The following BBS9 variants were observed in gnomAD, a reference collection of about 807,000 sequenced individuals.
The protein encoded by BBS9 is protein PTHB1.
BBS9 carries 89 observed loss-of-function variants against 117.7 expected under a neutral mutation model. The observed-to-expected ratio is 0.76, with a 90% confidence interval of 0.64 to 0.90. BBS9 has a LOEUF of 0.90. Among genes scored for constraint, BBS9 ranks in the 40% least tolerant of loss-of-function variants. The pLI, the probability that BBS9 is intolerant of heterozygous loss-of-function variation, is 0.00. For missense variants in BBS9, 982 were observed against 1,042.2 expected, an observed-to-expected ratio of 0.94 and a Z score of 0.80; for synonymous variants, 379 against 370.9, an observed-to-expected ratio of 1.02 and a Z score of -0.25.
At chr7:33,509,345 C>T (rs1296200611) in intron 20 of BBS9, among the ~76,000 whole-genome samples, 4 of 152,122 alleles carry the variant, frequency 2.6e-5, no homozygotes, top group Non-Finnish European at 5.9e-5. Context: ...CTTTAGACCT[C>T]ACAAATAAAT....
intron 9 of BBS9, among the ~76,000 whole-genome samples, chr7:33,303,804 C>CA (rs1226231290): frequency 5.3e-5 from 8 of 151,152 alleles, no homozygotes; most frequent in Admixed American, 5.2e-4. Context: ...CTCGCTCACT[C>CA]AGTGCTCAAT....
intron 8 of BBS9, among the ~76,000 whole-genome samples, chr7:33,273,552 A>T (rs1310404745): frequency 6.6e-6 from 1 of 152,214 alleles, no homozygotes; most frequent in African/African-American, 2.4e-5. Context: ...GTAGTAAATC[A>T]TTAGCTTAAA....
intron 19 of BBS9, among the ~76,000 whole-genome samples, chr7:33,496,393 T>G (rs559037505): frequency 6.6e-5 from 10 of 151,976 alleles, no homozygotes; most frequent in Non-Finnish European, 1.3e-4. Context: ...TAATCCCAGC[T>G]CCTCAGGAGG....
intron 21 of BBS9, among the ~76,000 whole-genome samples, chr7:33,543,492 AT>A (rs1437615072): frequency 3.3e-5 from 5 of 151,958 alleles, no homozygotes; most frequent in African/African-American, 1.2e-4. Context: ...ATTTGTTTTT[AT>A]TGCATTTGCT....
chr7:33,633,369 T>C (rs1585514501), intron 21 of BBS9, among the ~76,000 whole-genome samples: 1 of 151,954 alleles, frequency 6.6e-6, no homozygotes, highest in East Asian at 1.9e-4. Flanking sequence ...CTGCCAGATA[T>C]GTTTGGAAAG....
At chr7:33,443,029 C>T (rs1275075542) in intron 19 of BBS9, among the ~76,000 whole-genome samples, 2 of 152,140 alleles carry the variant, frequency 1.3e-5, no homozygotes, top group East Asian at 1.9e-4. Context: ...GAATCGGTCT[C>T]ATTATTGTAC....
chr7:33,198,735 A>G (rs573255364), intron 5 of BBS9, among the ~76,000 whole-genome samples: 49 of 152,118 alleles, frequency 3.2e-4, no homozygotes, highest in African/African-American at 1.1e-3. Flanking sequence ...TTGTAACAGG[A>G]AACTTTATAA....
intron 5 of BBS9, among the ~76,000 whole-genome samples, chr7:33,230,159 C>T (rs1463309013): frequency 6.6e-6 from 1 of 152,084 alleles, no homozygotes; most frequent in African/African-American, 2.4e-5. Flanking sequence ...ATATTCACTC[C>T]TTGTGAGATA....
chr7:33,487,255 T>C (rs938866672), intron 19 of BBS9, among the ~76,000 whole-genome samples: 2 of 152,206 alleles, frequency 1.3e-5, no homozygotes, highest in Non-Finnish European at 2.9e-5. Flanking sequence ...TTCCAAATGC[T>C]ATGGGGTTTT....
At chr7:33,577,538 G>T (rs762284213) in intron 21 of BBS9, among the ~76,000 whole-genome samples, 6 of 152,044 alleles carry the variant, frequency 3.9e-5, no homozygotes, top group African/African-American at 1.4e-4. Flanking sequence ...TTGACCCAGC[G>T]ATCCCATTAC....
chr7:33,241,975 AACTTTG>A (rs1251095128), intron 5 of BBS9, among the ~76,000 whole-genome samples: 1 of 152,004 alleles, frequency 6.6e-6, no homozygotes, highest in Non-Finnish European at 1.5e-5. Context: ...TGTGTATTGT[AACTTTG>A]ACTTTGAGGT....
chr7:33,149,526 A>G lies in BBS9; in HGVS notation c.112+3162A>G, dbSNP rs1186492867. 4.5e-4 allele frequency among the ~76,000 whole-genome samples: 68 copies of G among 152,214 alleles called. 1 individual carries two copies. The highest frequency in any genetic ancestry group is 1.5e-5 in the Non-Finnish European group (1 of 68,036). On this transcript the variant is annotated intron_variant, in intron 2 of 22. Transcript: ENST00000242067. ...TGGCACTTACTTTCCTAATTCTCTC[A>G]ACTCAAGATTCAGACTCTTGAGAGA... is the stretch of plus-strand genomic sequence containing the variant.
At chr7:33,194,808 T>G (rs1014182354) in intron 5 of BBS9, among the ~76,000 whole-genome samples, 5 of 152,238 alleles carry the variant, frequency 3.3e-5, no homozygotes, top group Non-Finnish European at 7.3e-5. Context: ...TCCTGGAGTT[T>G]GATTATCTAG....
At position 33,344,092 on chromosome 7, in the gene BBS9, T is replaced by G. The variant is rs566088618; in HGVS notation, c.1276-489T>G. Among the ~76,000 whole-genome samples the G allele has an allele frequency of 2.6e-3, 365 of 140,570 alleles. 2 individuals are homozygous for G. The highest frequency in any genetic ancestry group is 0.016 in the South Asian group (68 of 4,134). The allele number at this position is 140,570 out of a possible 152,430, so 92.2% of individuals were successfully genotyped here. A position where few individuals can be genotyped will look rare whatever the true frequency, so the allele number is the denominator to read the frequency against. On this transcript the variant is annotated intron_variant, in intron 11 of 22. Coordinates refer to ENST00000242067, the MANE Select transcript of BBS9 (RefSeq NM_198428.3). ...TTAGGGGATGAGTTTTTTTTTTTTT[T>G]TTTTTTTTTTTGAGGCAGAGTCTCT... is the stretch of plus-strand genomic sequence containing the variant.
intron 21 of BBS9, among the ~76,000 whole-genome samples, chr7:33,629,228 A>G (rs1348619693): frequency 6.6e-6 from 1 of 152,230 alleles, no homozygotes; most frequent in Non-Finnish European, 1.5e-5. Flanking sequence ...AGGAGAATGT[A>G]CATTTTGTGT....
At chr7:33,226,506 T>A (rs1287976619) in intron 5 of BBS9, among the ~76,000 whole-genome samples, 1 of 151,982 alleles carries the variant, frequency 6.6e-6, no homozygotes, top group Admixed American at 6.5e-5. Flanking sequence ...CTCAAAACAA[T>A]TAAAAAATTA....
At chr7:33,334,050 G>C (rs1426331800) in intron 9 of BBS9, among the ~76,000 whole-genome samples, 2 of 152,132 alleles carry the variant, frequency 1.3e-5, no homozygotes, top group Admixed American at 6.5e-5. Context: ...ACTTGAACAC[G>C]TGAAATACCA....
At chr7:33,548,275 AT>A (rs1440729791) in intron 21 of BBS9, among the ~76,000 whole-genome samples, 1 of 152,114 alleles carries the variant, frequency 6.6e-6, no homozygotes, top group Non-Finnish European at 1.5e-5. Flanking sequence ...CACTATTCTT[AT>A]TTCTTTAATT....
At chr7:33,317,099 A>G (rs1303662961) in intron 9 of BBS9, among the ~76,000 whole-genome samples, 1 of 152,158 alleles carries the variant, frequency 6.6e-6, no homozygotes, top group East Asian at 1.9e-4. Context: ...AACACTATTT[A>G]TTGAAAAGAC....
Sources: gnomAD v4.1 joint callset for allele counts (sites outside exome capture counted in the v4.1 genomes callset) on GRCh38, gnomAD v4.1.1 for gene constraint, MANE v1.5 for transcripts, NCBI Gene and HGNC (gene_info 2026-07-23, HGNC 2026-07-21) for gene names.